The following CPQ variants were observed in gnomAD, a reference collection of about 807,000 sequenced individuals.
CPQ encodes Ser-Met dipeptidase.
CPQ carries 37 observed loss-of-function variants against 45.7 expected under a neutral mutation model. The observed-to-expected ratio is 0.81, with a 90% confidence interval of 0.62 to 1.07. The LOEUF is 1.07. Among genes scored for constraint, CPQ ranks in the 50% least tolerant of loss-of-function variants. CPQ has a pLI of 0.00. For synonymous variants in CPQ, 186 were observed against 205.8 expected (o/e 0.90, Z 0.82); for missense variants, 537 against 572.9 (o/e 0.94, Z 0.64).
chr8:96,663,094 G>A (rs1808864292), intron 1 of CPQ, among the ~76,000 whole-genome samples: 2 of 152,192 alleles, frequency 1.3e-5, no homozygotes, highest in Non-Finnish European at 2.9e-5. Context: ...CAATAACAGA[G>A]ATTGGCAGGG....
At chr8:96,954,464 A>C (rs1427375069) in intron 4 of CPQ, among the ~76,000 whole-genome samples, 2 of 152,186 alleles carry the variant, frequency 1.3e-5, no homozygotes, top group African/African-American at 4.8e-5. Flanking sequence ...TTGATGAAGA[A>C]AGTGAACAGT....
At chr8:96,967,215 C>T (rs192426555) in intron 5 of CPQ, among the ~76,000 whole-genome samples, 92 of 152,208 alleles carry the variant, frequency 6.0e-4, no homozygotes, top group Middle Eastern at 3.4e-3. Context: ...CAAAAATCAC[C>T]GATAATGATT....
intron 6 of CPQ, among the ~76,000 whole-genome samples, chr8:97,053,385 G>T (rs1367803626): frequency 6.6e-6 from 1 of 152,150 alleles, no homozygotes; most frequent in Admixed American, 6.5e-5. Context: ...TGAGGAGGGG[G>T]CTGTTTTAAT....
chr8:96,921,718 C>T (rs555113987), intron 4 of CPQ, among the ~76,000 whole-genome samples: 1 of 152,266 alleles, frequency 6.6e-6, no homozygotes, highest in Admixed American at 6.5e-5. Context: ...TTCCCCAACT[C>T]CCAAATTAAG....
At chr8:96,775,537 A>G (rs1008749866) in intron 1 of CPQ, among the ~76,000 whole-genome samples, 1 of 152,108 alleles carries the variant, frequency 6.6e-6, no homozygotes, top group Non-Finnish European at 1.5e-5. Flanking sequence ...TACTTAAAAG[A>G]TGACCAATTT....
chr8:96,952,330 A>C (rs1372216439), intron 4 of CPQ, among the ~76,000 whole-genome samples: 1 of 151,958 alleles, frequency 6.6e-6, no homozygotes, highest in Non-Finnish European at 1.5e-5. Context: ...GTGGAAAAGT[A>C]GAATGTTGGC....
intron 1 of CPQ, among the ~76,000 whole-genome samples, chr8:96,647,798 G>C (rs1815534391): frequency 6.6e-6 from 1 of 152,176 alleles, no homozygotes; most frequent in South Asian, 2.1e-4. Flanking sequence ...CTTTGACCTA[G>C]GTGCCCATGC....
At chr8:97,096,032 A>C (rs1276920432) in intron 7 of CPQ, among the ~76,000 whole-genome samples, 1 of 152,042 alleles carries the variant, frequency 6.6e-6, no homozygotes, top group African/African-American at 2.4e-5. Flanking sequence ...ACAAATTTCC[A>C]GTGAAATTAT....
intron 7 of CPQ, among the ~76,000 whole-genome samples, chr8:97,117,720 G>T (rs574612326): frequency 2.0e-5 from 3 of 151,802 alleles, no homozygotes; most frequent in Non-Finnish European, 4.4e-5. Flanking sequence ...TTATTTTTTT[G>T]TAGAGACGAG....
At chr8:96,827,896 C>A (rs55838076) in intron 2 of CPQ, among the ~76,000 whole-genome samples, 1 of 150,894 alleles carries the variant, frequency 6.6e-6, no homozygotes, top group South Asian at 2.1e-4. Context: ...CCTGTTTTTT[C>A]AAAAAAAAGT....
At chr8:96,848,671 CATT>C (rs1370969115) in intron 3 of CPQ, among the ~76,000 whole-genome samples, 1 of 152,076 alleles carries the variant, frequency 6.6e-6, no homozygotes, top group Non-Finnish European at 1.5e-5. Flanking sequence ...TTGGTAGTAT[CATT>C]ATACAATTTT....
chr8:96,785,939 G>A (rs915930301), intron 2 of CPQ, among the ~76,000 whole-genome samples: 1 of 152,160 alleles, frequency 6.6e-6, no homozygotes, highest in African/African-American at 2.4e-5. Context: ...TCCGGTGGCA[G>A]AAGAACGAGT....
At position 97,000,301 on chromosome 8, in the gene CPQ, T is replaced by C. The variant is rs539620474; in HGVS notation, c.962-29102T>C. On this transcript the variant is annotated intron_variant, in intron 5 of 7. Transcript: ENST00000220763. ...AGTTGCTTTTCATGAATCTTCATCA[T>C]GAAATCTTTGCCCTTGCCTCTTTCC... Among the ~76,000 whole-genome samples the C allele has an allele frequency of 3.2e-4, 49 of 152,166 alleles. 1 individual carries two copies. In the South Asian group the frequency reaches 0.01, roughly 32 times the overall value.
intron 6 of CPQ, among the ~76,000 whole-genome samples, chr8:97,056,101 A>AACACACAC (rs34266303): frequency 6.8e-6 from 1 of 146,338 alleles, no homozygotes; most frequent in African/African-American, 2.5e-5. Flanking sequence ...CCTATCTCAA[A>AACACACAC]ACACACACAC....
chr8:96,883,331 C>T (rs1458199348), intron 4 of CPQ, among the ~76,000 whole-genome samples: 1 of 151,958 alleles, frequency 6.6e-6, no homozygotes, highest in Non-Finnish European at 1.5e-5. Context: ...ATTTAAGTAC[C>T]CTTCTCTCTG....
In CPQ at chr8:97,075,123, C is replaced by G. The variant is rs192938794; in HGVS notation, c.1255+8913C>G. ...TCAAAGTAAGAACACTTAAAGGGAA[C>G]GAGGAGCTTGAGGAAGTAGCAAAGG... On this transcript the variant is annotated intron_variant, in intron 7 of 7. Transcript: ENST00000220763. 5.9e-5 allele frequency among the ~76,000 whole-genome samples: 9 copies of G among 152,010 alleles called. No homozygotes were observed. In the East Asian group the frequency reaches 1.4e-3, roughly 23 times the overall value.
chr8:97,008,572 C>G (rs116621830), intron 5 of CPQ, among the ~76,000 whole-genome samples: 225 of 152,224 alleles, frequency 1.5e-3, no homozygotes, highest in African/African-American at 5.2e-3. Flanking sequence ...GGAAGTCATC[C>G]CCAGTCTACT....
At chr8:96,881,005 A>G (rs997205384) in intron 4 of CPQ, among the ~76,000 whole-genome samples, 8 of 152,164 alleles carry the variant, frequency 5.3e-5, no homozygotes, top group East Asian at 1.9e-4. Context: ...TGGAAATTCA[A>G]CCTCGGAACA....
chr8:97,093,022 C>G (rs1261924451), intron 7 of CPQ: 3 of 152,122 alleles, frequency 2.0e-5, no homozygotes, highest in Non-Finnish European at 4.4e-5. Context: ...TGAACAGACA[C>G]TTCTCAAACG....
Sources: gnomAD v4.1 joint callset for allele counts (sites outside exome capture counted in the v4.1 genomes callset) on GRCh38, gnomAD v4.1.1 for gene constraint, MANE v1.5 for transcripts, NCBI Gene and HGNC (gene_info 2026-07-23, HGNC 2026-07-21) for gene names.